The following ADK variants were observed in gnomAD, a reference collection of about 807,000 sequenced individuals.
ADK encodes the protein adenosine kinase.
In ADK, 24 loss-of-function variants were observed where a neutral mutation model predicts 44.7. The observed-to-expected ratio is 0.54, with a 90% CI of 0.39 to 0.76. The LOEUF (loss-of-function observed/expected upper bound fraction) is 0.76, where lower values mean the gene tolerates loss of function less well. ADK is among the 30% of genes least tolerant of loss of function. The pLI is 0.00. For synonymous variants in ADK, 128 were observed against 142.6 expected (o/e 0.90, Z 0.73); for missense variants, 321 against 425.1 (o/e 0.76, Z 2.15).
chr10:74,177,222 A>AG (rs1842375364), intron 1 of ADK, among the ~76,000 whole-genome samples: 1 of 148,650 alleles, frequency 6.7e-6, no homozygotes, highest in Admixed American at 6.6e-5. Flanking sequence ...GGCCGGAGGG[A>AG]GCGTGGCGTG....
At chr10:74,362,312 T>A (rs990324726) in intron 4 of ADK, among the ~76,000 whole-genome samples, 3 of 152,130 alleles carry the variant, frequency 2.0e-5, no homozygotes, top group Admixed American at 1.3e-4. Context: ...ACTCACTGAT[T>A]CTTTTATTTG....
chr10:74,591,607 C>T (rs959658518), intron 8 of ADK, among the ~76,000 whole-genome samples: 4 of 152,146 alleles, frequency 2.6e-5, no homozygotes, highest in Non-Finnish European at 5.9e-5. Flanking sequence ...AGGTTTGAAA[C>T]TTGGTATTCT....
At chr10:74,183,298 A>C (rs1842629690) in intron 1 of ADK, among the ~76,000 whole-genome samples, 1 of 152,144 alleles carries the variant, frequency 6.6e-6, no homozygotes, top group Admixed American at 6.5e-5. Context: ...GTTGCTGGGC[A>C]CGGTGGCACA....
chr10:74,474,511 C>T (rs1172856517), intron 6 of ADK, among the ~76,000 whole-genome samples: 1 of 149,250 alleles, frequency 6.7e-6, no homozygotes, highest in African/African-American at 2.5e-5. Flanking sequence ...CTTTCCTTCC[C>T]TTCCCTTCCC....
At chr10:74,465,848 A>G (rs933746066) in intron 6 of ADK, among the ~76,000 whole-genome samples, 10 of 152,150 alleles carry the variant, frequency 6.6e-5, no homozygotes, top group African/African-American at 2.2e-4. Context: ...CGTTCTCCAT[A>G]GTGTATAAGT....
At chr10:74,592,412 A>G (rs1057006286) in intron 8 of ADK, among the ~76,000 whole-genome samples, 1 of 152,124 alleles carries the variant, frequency 6.6e-6, no homozygotes, top group Non-Finnish European at 1.5e-5. Flanking sequence ...TTTTTAAACT[A>G]TTGAAAATTG....
intron 6 of ADK, among the ~76,000 whole-genome samples, chr10:74,520,468 A>G (rs1279115027): frequency 6.6e-6 from 1 of 151,914 alleles, no homozygotes; most frequent in Non-Finnish European, 1.5e-5. Context: ...ATGCACACAT[A>G]CACATACACA....
At chr10:74,634,231 G>A (rs947686786) in intron 9 of ADK, among the ~76,000 whole-genome samples, 1 of 151,498 alleles carries the variant, frequency 6.6e-6, no homozygotes, top group Non-Finnish European at 1.5e-5. Flanking sequence ...TTTGAGACGA[G>A]TCTCGCCCTG....
chr10:74,675,315 A>G (rs1453810408), intron 10 of ADK, among the ~76,000 whole-genome samples: 4 of 152,218 alleles, frequency 2.6e-5, no homozygotes, highest in African/African-American at 4.8e-5. Context: ...TTTCATGTAT[A>G]ATTTAAAAAT....
At chr10:74,442,650 G>T (rs760223024) in intron 6 of ADK, among the ~76,000 whole-genome samples, 1 of 151,956 alleles carries the variant, frequency 6.6e-6, no homozygotes, top group Non-Finnish European at 1.5e-5. Context: ...TATCTCTAAA[G>T]AAATAAATAA....
At chr10:74,591,419 G>A (rs374539173) in intron 8 of ADK, among the ~76,000 whole-genome samples, 3 of 152,076 alleles carry the variant, frequency 2.0e-5, no homozygotes, top group Admixed American at 6.6e-5. Flanking sequence ...GTGTCTCTTC[G>A]TAGATTCCCA....
intron 6 of ADK, among the ~76,000 whole-genome samples, chr10:74,524,297 G>T (rs1408943994): frequency 6.6e-6 from 1 of 152,066 alleles, no homozygotes; most frequent in Admixed American, 6.5e-5. Flanking sequence ...TTTTTCTTTT[G>T]CATTACTGCA....
At position 74,487,267 on chromosome 10, in the gene ADK, A is replaced by G. The variant is rs1156874729; in HGVS notation, c.556-37989A>G. On this transcript the variant is annotated intron_variant, in intron 6 of 10. Coordinates refer to ENST00000539909, the MANE Select transcript of ADK (RefSeq NM_006721.4). ...ATTTTTGTACTTGCTAATAATTGCT[A>G]TTAAGAATTTTGTTAATCGTGTGTG... Among the ~76,000 whole-genome samples, 8 of 152,046 alleles carry G rather than the reference A, an allele frequency of 5.3e-5. No individual in the cohort carries two copies. In the East Asian group the frequency reaches 9.6e-4, roughly 18 times the overall value.
At chr10:74,168,076 A>G (rs1842076312) in intron 1 of ADK, among the ~76,000 whole-genome samples, 1 of 152,222 alleles carries the variant, frequency 6.6e-6, no homozygotes, top group African/African-American at 2.4e-5. Context: ...AATAGCACTT[A>G]TGATCATTTG....
At chr10:74,478,242 CAG>C (rs1846931464) in intron 6 of ADK, among the ~76,000 whole-genome samples, 1 of 152,148 alleles carries the variant, frequency 6.6e-6, no homozygotes, top group African/African-American at 2.4e-5. Context: ...TTTCTAGAGA[CAG>C]TGTTTCATTA....
At chr10:74,466,759 A>C (rs1846372023) in intron 6 of ADK, among the ~76,000 whole-genome samples, 1 of 152,142 alleles carries the variant, frequency 6.6e-6, no homozygotes. Context: ...CCATTTTTAA[A>C]GGTTTCTCTT....
intron 6 of ADK, among the ~76,000 whole-genome samples, chr10:74,500,640 T>C (rs983527469): frequency 6.6e-6 from 1 of 152,224 alleles, no homozygotes; most frequent in African/African-American, 2.4e-5. Context: ...TCATATAACT[T>C]CATAAAGCTC....
intron 9 of ADK, among the ~76,000 whole-genome samples, chr10:74,622,838 T>C (rs1466366567): frequency 6.6e-6 from 1 of 151,996 alleles, no homozygotes; most frequent in Non-Finnish European, 1.5e-5. Context: ...AGAAACCCTG[T>C]CTCTACTAAA....
At chr10:74,679,233 C>G (rs1489597410) in intron 10 of ADK, among the ~76,000 whole-genome samples, 9 of 152,202 alleles carry the variant, frequency 5.9e-5, no homozygotes, top group Admixed American at 5.9e-4. Flanking sequence ...TTTATAAACA[C>G]TGGTCTGTCG....
Sources: allele counts gnomAD v4.1 joint callset (sites outside exome capture counted in the v4.1 genomes callset), GRCh38; gene constraint gnomAD v4.1.1; transcripts MANE v1.5; gene names NCBI Gene and HGNC (gene_info 2026-07-23, HGNC 2026-07-21).